The following STAT5A variants were observed in gnomAD, a reference collection of about 807,000 sequenced individuals.
STAT5A encodes signal transducer and activator of transcription 5A, also known as epididymis secretory sperm binding protein.
STAT5A carries 26 observed loss-of-function variants against 100.2 expected under a neutral mutation model. The observed-to-expected ratio is 0.26, with a 90% CI of 0.19 to 0.36. STAT5A has a LOEUF of 0.36. STAT5A is among the 10% of genes least tolerant of loss of function. The pLI, the probability that STAT5A is intolerant of heterozygous loss-of-function variation, is 1.00. For synonymous variants in STAT5A, 330 were observed against 424.3 expected (o/e 0.78, Z 2.73); for missense variants, 634 against 1,027.5 (o/e 0.62, Z 5.24).
chr17:42,291,227 G>C (rs2080865559), intron 3 of STAT5A, among the ~76,000 whole-genome samples: 1 of 152,238 alleles, frequency 6.6e-6, no homozygotes, highest in South Asian at 2.1e-4. Flanking sequence ...TTGCTGATCT[G>C]ACAGGAAGCA....
chr17:42,293,422 C>G (rs1456990248), intron 4 of STAT5A, among the ~76,000 whole-genome samples: 1 of 152,154 alleles, frequency 6.6e-6, no homozygotes, highest in African/African-American at 2.4e-5. Context: ...CCAGGCTGGT[C>G]TCGAATTCCT....
At chr17:42,294,961 A>C (rs929195267) in intron 4 of STAT5A, among the ~76,000 whole-genome samples, 2 of 151,090 alleles carry the variant, frequency 1.3e-5, no homozygotes, top group African/African-American at 4.9e-5. Flanking sequence ...GCAGTGGCGC[A>C]ATCTCGGCTC....
chr17:42,295,152 G>A (rs116013212), intron 4 of STAT5A, among the ~76,000 whole-genome samples: 2,678 of 152,218 alleles, frequency 0.018, 87 homozygotes, highest in African/African-American at 0.062. Flanking sequence ...AAGTGAGATG[G>A]TGTGTGTTCA....
intron 17 of STAT5A, 99 bp downstream of exon 17, chr17:42,309,197 A>G (rs2081057116): frequency 6.2e-7 from 1 of 1,604,044 alleles, no homozygotes. Flanking sequence ...CCGCTCCCCC[A>G]GGGAACCTGT....
intron 4 of STAT5A, among the ~76,000 whole-genome samples, chr17:42,292,924 G>A (rs2080885112): frequency 6.6e-6 from 1 of 152,094 alleles, no homozygotes; most frequent in Non-Finnish European, 1.5e-5. Context: ...CACCGTGCCC[G>A]GCCTGTTCCT....
At chr17:42,297,132 T>G (rs2080926457) in intron 5 of STAT5A, among the ~76,000 whole-genome samples, 1 of 152,068 alleles carries the variant, frequency 6.6e-6, no homozygotes, top group Non-Finnish European at 1.5e-5. Flanking sequence ...GATACAGGGT[T>G]GTGCCGTGTT....
chr17:42,309,209 TCAGCC>T (rs2081057283), intron 17 of STAT5A, 111 bp downstream of exon 17: 1 of 1,591,878 alleles, frequency 6.3e-7, no homozygotes, highest in South Asian at 1.1e-5. Flanking sequence ...GGAACCTGTC[TCAGCC>T]CTGGGGAGGG....
intron 9 of STAT5A, among the ~76,000 whole-genome samples, chr17:42,303,289 G>A (rs991064886): frequency 6.6e-6 from 1 of 152,138 alleles, no homozygotes; most frequent in Admixed American, 6.5e-5. Flanking sequence ...GATCTGGGGT[G>A]AAGATGAAGA....
chr17:42,291,827 A>T, intron 3 of STAT5A, 145 bp from the exon 4 acceptor site: 1 of 722,008 alleles, frequency 1.4e-6, no homozygotes, highest in Non-Finnish European at 2.4e-6. Context: ...AGGAACAGAG[A>T]TATAGAGGTG....
At chr17:42,307,353 C>A (rs1303699529) in intron 13 of STAT5A, 49 bp from the exon 14 acceptor site, 6 of 1,593,376 alleles carry the variant, frequency 3.8e-6, no homozygotes, top group Non-Finnish European at 5.1e-6. Flanking sequence ...TCCTGGGCCA[C>A]CTGTGACCTG....
chr17:42,309,605 G>C (rs2089460444), intron 18 of STAT5A, 121 bp downstream of exon 18: 2 of 982,558 alleles, frequency 2.0e-6, no homozygotes, highest in African/African-American at 1.6e-5. Flanking sequence ...TCCAGGAGGA[G>C]TGAGATCAGC....
At chr17:42,306,030 C>G (rs1178143392) in intron 12 of STAT5A, 1 of 795,792 alleles carries the variant, frequency 1.3e-6, no homozygotes, top group Non-Finnish European at 2.0e-6. Context: ...TGCATGCCCC[C>G]ACCCCCTGCA....
rs1401556871 is a variant in STAT5A at position 42,289,497 on chromosome 17, A to C, written c.86A>C (p.Glu29Ala). ...QVLYGQHFPI[E>A]VRHYLAQWIE... ...CTGTACGGCCAGCACTTCCCCATCG[A>C]GGTCCGGCACTACTTGGCCCAGTGG... The change falls in exon 2 of 19, where the codon GAG (glutamate) becomes GCG (alanine). Residue 29 changes from glutamate to alanine, a missense_variant. This residue lies in a region of STAT5A where 207 missense variants were observed against 256.6 expected (regional missense o/e 0.81). Coordinates refer to ENST00000590949, the MANE Select transcript of STAT5A (RefSeq NM_001288718.2). 1 of 1,613,268 alleles carries C rather than the reference A, an allele frequency of 6.2e-7. No individual in the cohort carries two copies. Among genetic ancestry groups the C allele is most frequent in the Non-Finnish European group, 8.5e-7 (1 of 1,179,936 alleles).
At chr17:42,289,577 C>T (rs754093704) in intron 2 of STAT5A, 38 bp downstream of exon 2, 115 of 1,603,812 alleles carry the variant, frequency 7.2e-5, no homozygotes, top group Non-Finnish European at 9.2e-5. Flanking sequence ...CAGAGGGTCC[C>T]TACCATCCAG....
At position 42,288,651 on chromosome 17, in the gene STAT5A, C is replaced by T. The variant is rs1022549551; in HGVS notation, c.-11+53C>T. ...CGGCGCGCCGAGAGGGGACACTCTA[C>T]TGCCGCCCCGGCACCTCCGGCACCC... On this transcript the variant is annotated intron_variant, in intron 1 of 18. Transcript: ENST00000590949. This position sits in a 1 kb window ranked among gnomAD's most constrained non-coding sequence, Gnocchi z 4.8. 3.9e-5 allele frequency: 6 copies of T among 152,202 alleles called. No homozygotes were observed. The highest frequency in any genetic ancestry group is 7.3e-5 in the Non-Finnish European group (5 of 68,066). The allele number at this position is 152,202 out of a possible 1,614,324, so 9.4% of individuals were successfully genotyped here.
intron 5 of STAT5A, among the ~76,000 whole-genome samples, chr17:42,299,180 C>T (rs1322037153): frequency 1.3e-5 from 2 of 152,188 alleles, no homozygotes; most frequent in Non-Finnish European, 2.9e-5. Context: ...TCTCTGTCAC[C>T]TCTTCTCTCT....
intron 5 of STAT5A, among the ~76,000 whole-genome samples, chr17:42,297,618 T>C (rs1334615473): frequency 2.6e-5 from 4 of 151,676 alleles, no homozygotes; most frequent in Admixed American, 6.6e-5. Flanking sequence ...TCTGCAAATT[T>C]CCAGGAGAGC....
At chr17:42,305,513 A>G in intron 11 of STAT5A, 97 bp from the exon 12 acceptor site, 1 of 1,053,338 alleles carries the variant, frequency 9.5e-7, no homozygotes, top group Non-Finnish European at 1.4e-6. Flanking sequence ...AAAAAAAAAA[A>G]TACATAAAAA....
intron 7 of STAT5A, 76 bp from the exon 8 acceptor site, chr17:42,300,639 G>C: frequency 2.5e-6 from 4 of 1,612,330 alleles, no homozygotes; most frequent in East Asian, 2.2e-5. Context: ...CTGGGGGAAC[G>C]GGAGCTGTGT....
Sources: allele counts gnomAD v4.1 joint callset (sites outside exome capture counted in the v4.1 genomes callset), GRCh38; gene constraint gnomAD v4.1.1; regional missense constraint gnomAD v4.1.1; non-coding constraint Gnocchi (gnomAD v3.1); transcripts MANE v1.5; gene names NCBI Gene and HGNC (gene_info 2026-07-23, HGNC 2026-07-21).